PTPRN2: variants seen among roughly 807,000 people sequenced by gnomAD.
PTPRN2 encodes receptor-type tyrosine-protein phosphatase N2.
Under a neutral mutation model 118.8 loss-of-function variants are expected in PTPRN2, and 74 were observed. The ratio of observed to expected loss-of-function variants is 0.62; its 90% CI spans 0.52 to 0.76. The LOEUF (loss-of-function observed/expected upper bound fraction) is 0.76, where lower values mean the gene tolerates loss of function less well. PTPRN2 is among the 30% of genes least tolerant of loss of function. PTPRN2 has a pLI of 0.00. For synonymous variants in PTPRN2, 641 were observed against 608.0 expected (o/e 1.05, Z -0.80); for missense variants, 1,481 against 1,394.4 (o/e 1.06, Z -0.99).
chr7:158,023,238 G>C (rs1010081675), intron 11 of PTPRN2, among the ~76,000 whole-genome samples: 3 of 152,036 alleles, frequency 2.0e-5, no homozygotes, highest in Admixed American at 6.6e-5. Flanking sequence ...CTCGCTAAAG[G>C]AGGAGCTCAC....
intron 3 of PTPRN2, among the ~76,000 whole-genome samples, chr7:158,212,551 T>G (rs1827680461): frequency 1.3e-5 from 2 of 152,082 alleles, no homozygotes; most frequent in African/African-American, 4.8e-5. Flanking sequence ...AAAATAGACT[T>G]AATGGGTGCT....
In PTPRN2 at chr7:158,382,500, C is replaced by T. The variant is rs199637733; in HGVS notation, c.164-65568G>A. 2.6e-5 allele frequency among the ~76,000 whole-genome samples: 4 copies of T among 152,320 alleles called. No individual in the cohort carries two copies. In the East Asian group the frequency reaches 5.8e-4, roughly 22 times the overall value. ...TCTTCTGCAAAAACAATTTTTCCAG[C>T]CCCATTCTATTCTTACAGCAGGAGT... On this transcript the variant is annotated intron_variant, in intron 2 of 22. Coordinates refer to ENST00000389418, the MANE Select transcript of PTPRN2 (RefSeq NM_002847.5).
chr7:157,654,280 C>T (rs1805916444), intron 14 of PTPRN2, among the ~76,000 whole-genome samples: 2 of 143,270 alleles, frequency 1.4e-5, no homozygotes, highest in Admixed American at 1.4e-4. Context: ...CCCAATTCCA[C>T]ACCATGCCCG....
rs548723001 is a variant in PTPRN2 at position 158,133,101 on chromosome 7, G to A, written c.1556+576C>T. The stretch of plus-strand genomic sequence containing the variant: ...GTTAAGTTCAGATCGACATGAGGGC[G>A]GGGAAAGAGGCTCGCTGCTGTGAAG... On this transcript the variant is annotated intron_variant, in intron 9 of 22. Transcript: ENST00000389418. Among the ~76,000 whole-genome samples the A allele has an allele frequency of 9.8e-5, 15 of 152,314 alleles. No homozygotes were observed. The South Asian group carries it at 1.0e-3, about 11-fold the overall frequency.
chr7:158,239,376 C>G (rs73746441), intron 3 of PTPRN2, among the ~76,000 whole-genome samples: 1 of 152,180 alleles, frequency 6.6e-6, no homozygotes, highest in African/African-American at 2.4e-5. Context: ...GCTGGTATCC[C>G]GGAGCTTGTT....
At chr7:158,440,149 A>G (rs1402319052) in intron 2 of PTPRN2, among the ~76,000 whole-genome samples, 1 of 152,258 alleles carries the variant, frequency 6.6e-6, no homozygotes, top group Non-Finnish European at 1.5e-5. Flanking sequence ...GTGTGTGGCC[A>G]CAGCCCATAA....
intron 3 of PTPRN2, among the ~76,000 whole-genome samples, chr7:158,238,114 C>T (rs530275971): frequency 1.6e-4 from 24 of 152,246 alleles, no homozygotes; most frequent in African/African-American, 4.3e-4. Context: ...TCCTGCCTCT[C>T]GGGGCGGCTA....
chr7:158,417,325 C>T (rs895341558), intron 2 of PTPRN2, among the ~76,000 whole-genome samples: 2 of 151,538 alleles, frequency 1.3e-5, no homozygotes, highest in African/African-American at 2.4e-5. Flanking sequence ...TGTACTACAT[C>T]GAGATGCTGA....
intron 11 of PTPRN2, among the ~76,000 whole-genome samples, chr7:158,064,763 C>T (rs1810628112): frequency 6.6e-6 from 1 of 152,160 alleles, no homozygotes; most frequent in Non-Finnish European, 1.5e-5. Context: ...GGGTCACCCT[C>T]CCCGCAACAG....
intron 2 of PTPRN2, among the ~76,000 whole-genome samples, chr7:158,351,420 C>G (rs1807920892): frequency 6.6e-6 from 1 of 152,188 alleles, no homozygotes; most frequent in African/African-American, 2.4e-5. Flanking sequence ...CTGCAGCTGT[C>G]TGGGGCGACT....
chr7:157,933,369 AG>A, intron 11 of PTPRN2, among the ~76,000 whole-genome samples: 1 of 149,196 alleles, frequency 6.7e-6, no homozygotes, highest in South Asian at 2.2e-4. Flanking sequence ...TCTGATTGAC[AG>A]CTTTAGAGGA....
intron 12 of PTPRN2, among the ~76,000 whole-genome samples, chr7:157,793,257 C>A (rs1804638089): frequency 6.6e-6 from 1 of 152,128 alleles, no homozygotes; most frequent in Non-Finnish European, 1.5e-5. Context: ...GGCAGATGAA[C>A]AAAAATTGTA....
At chr7:157,775,567 C>T (rs1218658773) in intron 12 of PTPRN2, among the ~76,000 whole-genome samples, 2 of 152,188 alleles carry the variant, frequency 1.3e-5, no homozygotes, top group Non-Finnish European at 1.5e-5. Context: ...GACACAGCAG[C>T]GCTGGGAAGG....
intron 13 of PTPRN2, among the ~76,000 whole-genome samples, chr7:157,660,485 T>C (rs963156293): frequency 1.3e-5 from 2 of 152,204 alleles, no homozygotes; most frequent in Non-Finnish European, 2.9e-5. Flanking sequence ...CACAAACTTT[T>C]CATGTGAACT....
chr7:158,257,545 A>C, intron 3 of PTPRN2, among the ~76,000 whole-genome samples: 1 of 152,128 alleles, frequency 6.6e-6, no homozygotes, highest in Non-Finnish European at 1.5e-5. Context: ...GAATCATAGG[A>C]TAAGAGGACT....
chr7:157,772,292 C>CACACAGACATACACACAAAGACAT (rs779391671), intron 12 of PTPRN2, among the ~76,000 whole-genome samples: 16,900 of 150,992 alleles, frequency 0.11, 1,063 homozygotes, highest in Middle Eastern at 0.16. Context: ...GACACACAAA[C>CACACAGACATACACACAAAGACAT]ACACAGACAT....
At chr7:158,535,052 C>T (rs1326253744) in intron 1 of PTPRN2, among the ~76,000 whole-genome samples, 1 of 152,194 alleles carries the variant, frequency 6.6e-6, no homozygotes, top group Non-Finnish European at 1.5e-5. Context: ...CTCTGTTCCT[C>T]CTGCATTGCC....
chr7:158,361,419 A>G (rs972714369), intron 2 of PTPRN2, among the ~76,000 whole-genome samples: 44 of 152,206 alleles, frequency 2.9e-4, no homozygotes, highest in Admixed American at 2.0e-3. Context: ...CAGACTCTTC[A>G]TCCATCCTTG....
intron 3 of PTPRN2, among the ~76,000 whole-genome samples, chr7:158,309,901 A>C (rs1207926937): frequency 6.6e-6 from 1 of 152,162 alleles, no homozygotes; most frequent in Non-Finnish European, 1.5e-5. Context: ...TTAGGTCATG[A>C]AGACGGCGCC....
Sources: allele counts gnomAD v4.1 joint callset (sites outside exome capture counted in the v4.1 genomes callset), GRCh38; gene constraint gnomAD v4.1.1; transcripts MANE v1.5; gene names NCBI Gene and HGNC (gene_info 2026-07-23, HGNC 2026-07-21).